Variants in DACH2 observed in about 807,000 individuals in gnomAD.
DACH2 encodes the protein dachshund homolog 2.
Under a neutral mutation model 35.8 loss-of-function variants are expected in DACH2, and 17 were observed. The ratio of observed to expected loss-of-function variants is 0.48; its 90% CI spans 0.33 to 0.71. The LOEUF (loss-of-function observed/expected upper bound fraction) is 0.71. Ranked by LOEUF, DACH2 falls within the 30% of genes least tolerant of loss-of-function variation. The pLI is 0.02. For synonymous variants in DACH2, 195 were observed against 177.3 expected, an observed-to-expected ratio of 1.10 and a Z score of -0.79; for missense variants, 469 against 472.7, an observed-to-expected ratio of 0.99 and a Z score of 0.07.
chrX:86,301,271 T>G (rs1047568325), intron 1 of DACH2, among the ~76,000 whole-genome samples: 4 of 112,051 alleles, frequency 3.6e-5, no homozygotes, highest in Non-Finnish European at 5.6e-5. Context: ...AGCAAGACAA[T>G]GGATTGTGCA....
At chrX:86,399,706 G>C (rs1474680991) in intron 2 of DACH2, among the ~76,000 whole-genome samples, 2 of 111,504 alleles carry the variant, frequency 1.8e-5, no homozygotes, top group African/African-American at 6.5e-5. Flanking sequence ...TTGAATATTG[G>C]CCCCCACTCT....
At chrX:86,425,635 T>G (rs1164876411) in intron 2 of DACH2, among the ~76,000 whole-genome samples, 2 of 110,715 alleles carry the variant, frequency 1.8e-5, no homozygotes, top group African/African-American at 6.5e-5. Context: ...AACTTTTTGT[T>G]TCATGGATTT....
At chrX:86,399,391 A>G (rs189862140) in intron 2 of DACH2, among the ~76,000 whole-genome samples, 1,250 of 111,571 alleles carry the variant, frequency 0.011, 18 homozygotes, top group African/African-American at 0.038. Context: ...ATTTAAGGTT[A>G]GTACTGTTAT....
At chrX:86,457,844 A>G (rs1010801685) in intron 2 of DACH2, among the ~76,000 whole-genome samples, 7 of 111,893 alleles carry the variant, frequency 6.3e-5, no homozygotes, top group African/African-American at 2.3e-4. Flanking sequence ...AGCCAGTACA[A>G]AGGTTCTGAA....
At chrX:86,361,431 T>C (rs1191077703) in intron 1 of DACH2, among the ~76,000 whole-genome samples, 2 of 111,697 alleles carry the variant, frequency 1.8e-5, no homozygotes, top group Admixed American at 9.6e-5. Flanking sequence ...ATTATCTTGG[T>C]ATTTCATGAC....
At chrX:86,711,461 G>A (rs1433918198) in intron 5 of DACH2, among the ~76,000 whole-genome samples, 1 of 111,976 alleles carries the variant, frequency 8.9e-6, no homozygotes, top group Non-Finnish European at 1.9e-5. Context: ...TAATGTCCGC[G>A]AAGTCAATAG....
chrX:86,818,228 G>A (rs1406720301), intron 11 of DACH2, among the ~76,000 whole-genome samples: 1 of 111,254 alleles, frequency 9.0e-6, no homozygotes, highest in Non-Finnish European at 1.9e-5. Flanking sequence ...ATCTCCTTAT[G>A]AAAAACTATA....
chrX:86,721,443 C>G (rs2041406042), intron 6 of DACH2, among the ~76,000 whole-genome samples: 1 of 111,860 alleles, frequency 8.9e-6, no homozygotes, highest in Non-Finnish European at 1.9e-5. Context: ...GCAAGAGTCA[C>G]CTTTATTCAC....
chrX:86,457,172 C>T (rs2037490777), intron 2 of DACH2, among the ~76,000 whole-genome samples: 1 of 110,998 alleles, frequency 9.0e-6, no homozygotes, highest in African/African-American at 3.3e-5. Flanking sequence ...GAAGGAAGCC[C>T]AAGGCTTATG....
intron 1 of DACH2, among the ~76,000 whole-genome samples, chrX:86,372,295 T>C (rs909635953): frequency 1.8e-5 from 2 of 111,009 alleles, no homozygotes; most frequent in African/African-American, 6.5e-5. Context: ...AGTAGACAGA[T>C]GATTTAGCAC....
At chrX:86,600,902 A>G (rs1453059941) in intron 3 of DACH2, among the ~76,000 whole-genome samples, 2 of 111,437 alleles carry the variant, frequency 1.8e-5, no homozygotes, top group African/African-American at 3.3e-5. Flanking sequence ...CAAAAACAAA[A>G]CAAAACAAAA....
intron 4 of DACH2, among the ~76,000 whole-genome samples, chrX:86,665,604 A>G (rs2040658250): frequency 8.9e-6 from 1 of 111,857 alleles, no homozygotes; most frequent in African/African-American, 3.2e-5. Flanking sequence ...ATTAGCTGCT[A>G]ATTTATAGCC....
At chrX:86,706,709 A>T (rs372840261) in intron 5 of DACH2, among the ~76,000 whole-genome samples, 4 of 110,346 alleles carry the variant, frequency 3.6e-5, no homozygotes, top group East Asian at 2.9e-4. Flanking sequence ...AAGTCAAAAA[A>T]TACTTGGAGA....
chrX:86,413,287 C>A (rs2148147017), intron 2 of DACH2, among the ~76,000 whole-genome samples: 1 of 111,788 alleles, frequency 8.9e-6, no homozygotes, highest in Non-Finnish European at 1.9e-5. Context: ...TTGATATAAC[C>A]CTGAGGTAGG....
At chrX:86,210,728 C>T (rs937160307) in intron 1 of DACH2, among the ~76,000 whole-genome samples, 1 of 111,588 alleles carries the variant, frequency 9.0e-6, no homozygotes, top group Non-Finnish European at 1.9e-5. Flanking sequence ...AGTTGGAAGC[C>T]CACACTTACA....
chrX:86,593,771 T>C (rs2039678898), intron 3 of DACH2, among the ~76,000 whole-genome samples: 1 of 111,273 alleles, frequency 9.0e-6, no homozygotes, highest in Non-Finnish European at 1.9e-5. Flanking sequence ...GAGAACATTT[T>C]CATCTATGTT....
chrX:86,425,524 T>G (rs2036878788), intron 2 of DACH2, among the ~76,000 whole-genome samples: 1 of 111,489 alleles, frequency 9.0e-6, no homozygotes, highest in African/African-American at 3.2e-5. Flanking sequence ...TCATTTGTTA[T>G]GTCTCCTTTT....
intron 4 of DACH2, among the ~76,000 whole-genome samples, chrX:86,657,202 T>A (rs1005986623): frequency 1.8e-5 from 2 of 109,437 alleles, no homozygotes; most frequent in Admixed American, 2.0e-4. Flanking sequence ...TAGTCAAAAA[T>A]AATTTAGTTG....
At chrX:86,237,606 C>T (rs975370342) in intron 1 of DACH2, among the ~76,000 whole-genome samples, 1 of 111,720 alleles carries the variant, frequency 9.0e-6, no homozygotes, top group Non-Finnish European at 1.9e-5. Flanking sequence ...ACCCATTTGG[C>T]CTGGCAGGCT....
Sources: gnomAD v4.1 joint callset for allele counts (sites outside exome capture counted in the v4.1 genomes callset) on GRCh38, gnomAD v4.1.1 for gene constraint, MANE v1.5 for transcripts, NCBI Gene and HGNC (gene_info 2026-07-23, HGNC 2026-07-21) for gene names.